Variants in AHCYL2 observed in about 807,000 individuals in gnomAD.
AHCYL2 encodes S-adenosylhomocysteine hydrolase-like protein 2.
In AHCYL2, 28 loss-of-function variants were observed where a neutral mutation model predicts 81.4. The ratio of observed to expected loss-of-function variants is 0.34; its 90% CI spans 0.25 to 0.47. The LOEUF is 0.47. AHCYL2 is among the 20% of genes least tolerant of loss of function. The pLI, the probability that AHCYL2 is intolerant of heterozygous loss-of-function variation, is 1.00. For synonymous variants in AHCYL2, 272 were observed against 290.2 expected, an observed-to-expected ratio of 0.94 and a Z score of 0.64; for missense variants, 551 against 785.1, an observed-to-expected ratio of 0.70 and a Z score of 3.56.
chr7:129,357,034 G>T (rs2150837347), intron 1 of AHCYL2, among the ~76,000 whole-genome samples: 1 of 152,254 alleles, frequency 6.6e-6, no homozygotes, highest in African/African-American at 2.4e-5. Context: ...ACAAACATAG[G>T]TTTGCTAGTT....
At chr7:129,241,088 G>C (rs1350799625) in intron 1 of AHCYL2, among the ~76,000 whole-genome samples, 1 of 152,046 alleles carries the variant, frequency 6.6e-6, no homozygotes, top group East Asian at 1.9e-4. Context: ...CTTGTGACTC[G>C]GGCAGCATCT....
intron 1 of AHCYL2, among the ~76,000 whole-genome samples, chr7:129,285,696 C>CTTT (rs71526096): frequency 5.0e-5 from 5 of 100,594 alleles, no homozygotes; most frequent in African/African-American, 1.9e-4. Flanking sequence ...CTCTCTCTCT[C>CTTT]TTTTTTTTTT....
intron 1 of AHCYL2, among the ~76,000 whole-genome samples, chr7:129,377,141 C>T (rs954992992): frequency 6.6e-6 from 1 of 152,116 alleles, no homozygotes; most frequent in African/African-American, 2.4e-5. Flanking sequence ...CACAGCTTCT[C>T]CCTTTATGAG....
chr7:129,370,473 C>T (rs1226510599), intron 1 of AHCYL2, among the ~76,000 whole-genome samples: 5 of 152,092 alleles, frequency 3.3e-5, no homozygotes, highest in African/African-American at 7.2e-5. Flanking sequence ...CCAGGGCGGG[C>T]AGATCACGAG....
chr7:129,376,061 T>C (rs761242571), intron 1 of AHCYL2: 100 of 1,099,944 alleles, frequency 9.1e-5, no homozygotes, highest in Non-Finnish European at 1.2e-4. Context: ...TACCCCTCTT[T>C]TAACAGTCTC....
intron 13 of AHCYL2, among the ~76,000 whole-genome samples, chr7:129,423,751 G>A (rs1797226467): frequency 6.6e-6 from 1 of 151,844 alleles, no homozygotes; most frequent in Non-Finnish European, 1.5e-5. Flanking sequence ...TTATCTAGGG[G>A]CCCATAAGTT....
intron 10 of AHCYL2, among the ~76,000 whole-genome samples, chr7:129,407,800 T>G (rs1241926698): frequency 2.6e-5 from 4 of 152,200 alleles, no homozygotes; most frequent in Non-Finnish European, 5.9e-5. Flanking sequence ...AGTGCTGTCA[T>G]GGAGTTAAAC....
intron 1 of AHCYL2, among the ~76,000 whole-genome samples, chr7:129,280,821 T>C (rs1796412710): frequency 6.6e-6 from 1 of 152,062 alleles, no homozygotes; most frequent in Admixed American, 6.6e-5. Context: ...ATTGAAATGA[T>C]CACATGATCT....
At chr7:129,320,262 A>G (rs987269420) in intron 1 of AHCYL2, among the ~76,000 whole-genome samples, 1 of 152,208 alleles carries the variant, frequency 6.6e-6, no homozygotes, top group Non-Finnish European at 1.5e-5. Context: ...ACATTGCCAC[A>G]TAATATATTT....
At chr7:129,358,652 A>C (rs1394036247) in intron 1 of AHCYL2, among the ~76,000 whole-genome samples, 1 of 152,228 alleles carries the variant, frequency 6.6e-6, no homozygotes, top group Non-Finnish European at 1.5e-5. Context: ...ATAATGAAAA[A>C]GTTTTGGAGA....
intron 11 of AHCYL2, among the ~76,000 whole-genome samples, chr7:129,412,758 T>C (rs1796649855): frequency 6.6e-6 from 1 of 152,226 alleles, no homozygotes; most frequent in Non-Finnish European, 1.5e-5. Flanking sequence ...TTTTCCCTGA[T>C]GACTAATGAT....
At chr7:129,409,827 T>A (rs538967249) in intron 11 of AHCYL2, among the ~76,000 whole-genome samples, 1 of 150,310 alleles carries the variant, frequency 6.7e-6, no homozygotes, top group African/African-American at 2.4e-5. Flanking sequence ...GATTCACTTA[T>A]AAAGTTTTAT....
At chr7:129,267,459 C>A (rs1414930738) in intron 1 of AHCYL2, among the ~76,000 whole-genome samples, 1 of 152,042 alleles carries the variant, frequency 6.6e-6, no homozygotes, top group African/African-American at 2.4e-5. Context: ...TGCCTGCCAC[C>A]ATGCCTGGCT....
chr7:129,390,632 A>C (rs990039336), intron 4 of AHCYL2, among the ~76,000 whole-genome samples: 1 of 152,222 alleles, frequency 6.6e-6, no homozygotes, highest in African/African-American at 2.4e-5. Context: ...CTGCCTCCTC[A>C]GTATGCTTAC....
At chr7:129,359,052 A>G (rs1380807932) in intron 1 of AHCYL2, among the ~76,000 whole-genome samples, 1 of 152,200 alleles carries the variant, frequency 6.6e-6, no homozygotes, top group East Asian at 1.9e-4. Flanking sequence ...GACATACAAG[A>G]ATGTTCACAG....
At chr7:129,403,956 A>T (rs1160410165) in intron 7 of AHCYL2, among the ~76,000 whole-genome samples, 7 of 147,644 alleles carry the variant, frequency 4.7e-5, no homozygotes, top group African/African-American at 1.7e-4. Flanking sequence ...TCAGCTTGCT[A>T]TGAGGTGAGC....
At chr7:129,266,798 A>T (rs1377268473) in intron 1 of AHCYL2, among the ~76,000 whole-genome samples, 1 of 152,220 alleles carries the variant, frequency 6.6e-6, no homozygotes, top group Non-Finnish European at 1.5e-5. Flanking sequence ...TCTATCACTT[A>T]TTCAAATTAG....
At chr7:129,283,862 G>A (rs1796535785) in intron 1 of AHCYL2, among the ~76,000 whole-genome samples, 1 of 152,002 alleles carries the variant, frequency 6.6e-6, no homozygotes, top group African/African-American at 2.4e-5. Flanking sequence ...ATTTGATCTT[G>A]TGACCTTAGG....
rs1796545086 is a variant in AHCYL2, at chr7:129,284,189, A to G, written c.363+58750A>G. On this transcript the variant is annotated intron_variant, in intron 1 of 16. Coordinates refer to ENST00000325006, the MANE Select transcript of AHCYL2 (RefSeq NM_015328.4). ...AAAGAAAGTTATGTGGTTGGGGTTG[A>G]CTGTGAGCAGAGAGTGATTCCGTAG... Among the ~76,000 whole-genome samples, 3 of 152,312 alleles carry G rather than the reference A, an allele frequency of 2.0e-5. No homozygotes were observed. The South Asian group carries it at 6.2e-4, about 32-fold the overall frequency.
Sources: gnomAD v4.1 joint callset for allele counts (sites outside exome capture counted in the v4.1 genomes callset) on GRCh38, gnomAD v4.1.1 for gene constraint, MANE v1.5 for transcripts, NCBI Gene and HGNC (gene_info 2026-07-23, HGNC 2026-07-21) for gene names.